GALNT17: variants seen among roughly 807,000 people sequenced by gnomAD.
The protein encoded by GALNT17 is polypeptide N-acetylgalactosaminyltransferase 17.
In GALNT17, 29 loss-of-function variants were observed where a neutral mutation model predicts 63.7. The ratio of observed to expected loss-of-function variants is 0.46; its 90% confidence interval spans 0.34 to 0.62. GALNT17 has a LOEUF of 0.62. Ranked by LOEUF, GALNT17 falls within the 20% of genes least tolerant of loss-of-function variation. The pLI, the probability that GALNT17 is intolerant of heterozygous loss-of-function variation, is 0.01. For synonymous variants in GALNT17, 305 were observed against 318.3 expected (o/e 0.96, Z 0.45); for missense variants, 603 against 799.6 (o/e 0.75, Z 2.97).
intron 5 of GALNT17, among the ~76,000 whole-genome samples, chr7:71,570,543 A>AC (rs1223453631): frequency 3.3e-5 from 5 of 151,476 alleles, no homozygotes; most frequent in African/African-American, 7.3e-5. Context: ...CTGCACAAGG[A>AC]CCCCCCATCC....
intron 5 of GALNT17, among the ~76,000 whole-genome samples, chr7:71,503,602 T>C (rs1324727417): frequency 2.0e-5 from 3 of 152,166 alleles, no homozygotes; most frequent in Non-Finnish European, 4.4e-5. Flanking sequence ...CTCTTGGGAA[T>C]GTCAAAGGTA....
chr7:71,561,917 C>T (rs1789262466), intron 5 of GALNT17, among the ~76,000 whole-genome samples: 1 of 151,914 alleles, frequency 6.6e-6, no homozygotes, highest in Non-Finnish European at 1.5e-5. Context: ...AGACACTCCC[C>T]TGATTTACAG....
At chr7:71,248,403 G>A (rs980868149) in intron 1 of GALNT17, among the ~76,000 whole-genome samples, 5 of 152,100 alleles carry the variant, frequency 3.3e-5, no homozygotes, top group Non-Finnish European at 7.4e-5. Flanking sequence ...GGGTGGTCAA[G>A]GCAGAAGAAA....
At chr7:71,646,046 C>A (rs1369682275) in intron 6 of GALNT17, among the ~76,000 whole-genome samples, 1 of 152,138 alleles carries the variant, frequency 6.6e-6, no homozygotes, top group Admixed American at 6.5e-5. Flanking sequence ...CCCCTAAGGC[C>A]ACCTCCCTCC....
intron 9 of GALNT17, among the ~76,000 whole-genome samples, chr7:71,677,907 A>G (rs1356453267): frequency 7.2e-5 from 11 of 151,988 alleles, no homozygotes. Flanking sequence ...GTAGTTCTCA[A>G]TGTCCAGATG....
At chr7:71,669,878 A>G (rs1285254084) in intron 7 of GALNT17, 94 bp from the exon 8 acceptor site, 4 of 1,506,230 alleles carry the variant, frequency 2.7e-6, no homozygotes, top group Admixed American at 2.0e-5. Context: ...AAGATCTTCT[A>G]TGTGAAGGTT....
At chr7:71,359,414 A>T (rs1792355617) in intron 2 of GALNT17, among the ~76,000 whole-genome samples, 1 of 152,096 alleles carries the variant, frequency 6.6e-6, no homozygotes, top group Admixed American at 6.6e-5. Context: ...AACTCTCCTG[A>T]GAACTCACAG....
chr7:71,457,878 C>G (rs953810495), intron 5 of GALNT17, among the ~76,000 whole-genome samples: 1 of 152,118 alleles, frequency 6.6e-6, no homozygotes, highest in Non-Finnish European at 1.5e-5. Flanking sequence ...CTTATTTTAC[C>G]CAGCTCCTTT....
chr7:71,263,633 CA>C (rs1318300206), intron 1 of GALNT17, among the ~76,000 whole-genome samples: 2 of 152,076 alleles, frequency 1.3e-5, no homozygotes, highest in African/African-American at 2.4e-5. Flanking sequence ...GTTAAAACCT[CA>C]GTGATCTGGC....
rs199628058 is a variant in GALNT17 at position 71,421,031 on chromosome 7, C to T, written c.888C>T (p.Ser296=). ...ACGAGAACTCGGCCCACGGGTACAGCTGGGAGCTGTGGTGCATGTACATCA... is the reference window on the plus strand; with the variant it reads ...ACGAGAACTCGGCCCACGGGTACAGTTGGGAGCTGTGGTGCATGTACATCA... ...QRYENSAHGY[S]WELWCMYISP... The change falls in exon 5 of 11, where the codon AGC becomes AGT. Residue 296 remains serine, a synonymous_variant. Transcript: ENST00000333538. 5.0e-6 allele frequency: 8 copies of T among 1,614,170 alleles called. No homozygotes were observed. The East Asian group carries it at 6.7e-5, about 13-fold the overall frequency.
In GALNT17 at chr7:71,460,376, C is replaced by T. The variant is rs1303306728; in HGVS notation, c.962+39271C>T. On this transcript the variant is annotated intron_variant, in intron 5 of 10. Transcript: ENST00000333538. ...ACGATAAAAATAAATACTAAATCAC[C>T]ACCATCTCAAAAAACAAAACAAAAC... Among the ~76,000 whole-genome samples, 6 of 152,220 alleles carry T rather than the reference C, an allele frequency of 3.9e-5. No individual in the cohort carries two copies. In the East Asian group the frequency reaches 1.2e-3, roughly 29 times the overall value.
rs73702243 is a variant in GALNT17, at chr7:71,649,464, G to A, written c.1081-15947G>A. Among the ~76,000 whole-genome samples the A allele has an allele frequency of 1.8e-3, 276 of 152,262 alleles. 1 individual carries two copies. Among genetic ancestry groups the A allele is most frequent in the African/African-American group, 6.3e-3 (263 of 41,564 alleles). Reference sequence around the variant, plus strand: ...GGGGTTTTTAAGAGGATGGGTGATTGGCTAAAGTGTGGGGATTCCTGACTG... The same window carrying A: ...GGGGTTTTTAAGAGGATGGGTGATTAGCTAAAGTGTGGGGATTCCTGACTG... On this transcript the variant is annotated intron_variant, in intron 6 of 10. Transcript: ENST00000333538.
chr7:71,240,447 C>T (rs1233615831), intron 1 of GALNT17, among the ~76,000 whole-genome samples: 1 of 152,032 alleles, frequency 6.6e-6, no homozygotes, highest in African/African-American at 2.4e-5. Context: ...TATTTGGAGT[C>T]CCCAGTGTCT....
chr7:71,190,397 T>C (rs955316891), intron 1 of GALNT17, among the ~76,000 whole-genome samples: 13 of 152,084 alleles, frequency 8.5e-5, no homozygotes, highest in Admixed American at 4.6e-4. Flanking sequence ...TCCCCCACTG[T>C]CTCTCTTGCT....
Position 71,518,570 on chromosome 7 carries a change from T to C in GALNT17, c.963-52715T>C, listed in dbSNP as rs545020612. On this transcript the variant is annotated intron_variant, in intron 5 of 10. Coordinates refer to ENST00000333538, the MANE Select transcript of GALNT17 (RefSeq NM_022479.3). ...TTACTAAAATCAATATGGCTTGAGATTGTGATTTCCAGAATATCTCCTCAC... is the reference window on the plus strand; with the variant it reads ...TTACTAAAATCAATATGGCTTGAGACTGTGATTTCCAGAATATCTCCTCAC... 2.6e-5 allele frequency among the ~76,000 whole-genome samples: 4 copies of C among 152,312 alleles called. No individual in the cohort carries two copies. The East Asian group carries it at 7.7e-4, about 29-fold the overall frequency.
chr7:71,237,144 A>G (rs184140895), intron 1 of GALNT17, among the ~76,000 whole-genome samples: 4 of 152,344 alleles, frequency 2.6e-5, no homozygotes, highest in East Asian at 1.9e-4. Context: ...TCATCCAATC[A>G]TAGGCAGATC....
At chr7:71,437,227 A>G (rs1295081264) in intron 5 of GALNT17, among the ~76,000 whole-genome samples, 2 of 152,112 alleles carry the variant, frequency 1.3e-5, no homozygotes, top group African/African-American at 2.4e-5. Flanking sequence ...TCTGCACCCT[A>G]AGCTCTCTGG....
intron 9 of GALNT17, among the ~76,000 whole-genome samples, chr7:71,679,340 G>A (rs1390881291): frequency 6.6e-6 from 1 of 152,130 alleles, no homozygotes; most frequent in African/African-American, 2.4e-5. Context: ...CAAGGCTGCA[G>A]TGAGCCATGA....
At chr7:71,532,826 G>C (rs1209009374) in intron 5 of GALNT17, among the ~76,000 whole-genome samples, 1 of 152,144 alleles carries the variant, frequency 6.6e-6, no homozygotes, top group Non-Finnish European at 1.5e-5. Context: ...ATCTCTTGCT[G>C]CTCCTGTTTA....
Sources: gnomAD v4.1 joint callset for allele counts (sites outside exome capture counted in the v4.1 genomes callset) on GRCh38, gnomAD v4.1.1 for gene constraint, MANE v1.5 for transcripts, NCBI Gene and HGNC (gene_info 2026-07-23, HGNC 2026-07-21) for gene names.